The following ALDH3B1 variants were observed in gnomAD, a reference collection of about 807,000 sequenced individuals.
ALDH3B1 encodes the protein aldehyde dehydrogenase family 3 member B1.
A neutral mutation model predicts 46.2 loss-of-function variants in ALDH3B1; 37 were observed. That is an observed-to-expected ratio of 0.80 (90% CI 0.62 to 1.05). The LOEUF (loss-of-function observed/expected upper bound fraction) is 1.05. ALDH3B1 is among the 50% of genes least tolerant of loss of function. The probability of loss-of-function intolerance (pLI) is 0.00; values close to 1 mark genes in which losing one functional copy is unlikely to be tolerated. For synonymous variants in ALDH3B1, 283 were observed against 281.0 expected (o/e 1.01, Z -0.07); for missense variants, 603 against 665.5 (o/e 0.91, Z 1.03).
At chr11:68,014,333 G>T (rs1857294733) in intron 1 of ALDH3B1, among the ~76,000 whole-genome samples, 1 of 152,188 alleles carries the variant, frequency 6.6e-6, no homozygotes, top group Non-Finnish European at 1.5e-5. Flanking sequence ...GGCATAATCT[G>T]GGTGGGCTGC....
chr11:68,018,335 G>A (rs1410295398), intron 2 of ALDH3B1, 192 bp from the exon 3 acceptor site: 3 of 596,344 alleles, frequency 5.0e-6, no homozygotes, highest in Non-Finnish European at 8.8e-6. Context: ...TCGGCCTCAG[G>A]GCCGGTCCCT....
chr11:68,025,190 G>A (rs1857592295), intron 8 of ALDH3B1: 1 of 152,054 alleles, frequency 6.6e-6, no homozygotes, highest in Non-Finnish European at 1.5e-5. Flanking sequence ...GTACTACCTG[G>A]GACGCCCTCT....
intron 8 of ALDH3B1, among the ~76,000 whole-genome samples, chr11:68,023,632 T>C (rs968209968): frequency 6.6e-6 from 1 of 152,050 alleles, no homozygotes; most frequent in African/African-American, 2.4e-5. Flanking sequence ...ATAAACTTTG[T>C]ATTGGGAAAT....
chr11:68,018,366 A>G, intron 2 of ALDH3B1, 161 bp from the exon 3 acceptor site: 1 of 639,404 alleles, frequency 1.6e-6, no homozygotes, highest in East Asian at 2.8e-5. Flanking sequence ...CAGAGACAGC[A>G]CCTCACACAG....
chr11:68,015,522 G>A, intron 2 of ALDH3B1, 63 bp downstream of exon 2: 1 of 1,549,908 alleles, frequency 6.5e-7, no homozygotes, highest in Non-Finnish European at 8.7e-7. Context: ...GGGCAGCTGG[G>A]ACAGCAGGGG....
At chr11:68,015,724 C>T (rs1296154788) in intron 2 of ALDH3B1, 1 of 644,142 alleles carries the variant, frequency 1.6e-6, no homozygotes, top group African/African-American at 1.8e-5. Context: ...AGTTCCCATG[C>T]CTACGAAGAT....
chr11:68,018,080 C>G (rs1463231078), intron 2 of ALDH3B1: 1 of 157,426 alleles, frequency 6.4e-6, no homozygotes, highest in Non-Finnish European at 1.4e-5. Flanking sequence ...CTTGCTTGTT[C>G]CTTGACTTCA....
upstream of ALDH3B1, among the ~76,000 whole-genome samples, chr11:68,009,024 C>T (rs1359144595): frequency 6.6e-6 from 1 of 152,152 alleles, no homozygotes; most frequent in Non-Finnish European, 1.5e-5. Context: ...CAGGAACCAC[C>T]AAGGCGACAC....
At chr11:68,011,032 G>A (rs1295152526) in intron 1 of ALDH3B1, among the ~76,000 whole-genome samples, 1 of 152,220 alleles carries the variant, frequency 6.6e-6, no homozygotes, top group Non-Finnish European at 1.5e-5. Context: ...GAGGGGATAC[G>A]CTGGTCCCTG....
rs573504249 is a variant in ALDH3B1, at chr11:68,015,597, C to T, written c.162+138C>T. 1,210 of 1,091,742 alleles carry T rather than the reference C, an allele frequency of 1.1e-3. 10 individuals are homozygous for T. Among genetic ancestry groups the T allele is most frequent in the Middle Eastern group, 6.2e-3 (32 of 5,136 alleles). The allele number at this position is 1,091,742 out of a possible 1,614,324, so 67.6% of individuals were successfully genotyped here. On this transcript the variant is annotated intron_variant, in intron 2 of 9. Transcript: ENST00000342456. ...CAGCTCCTCCCCTAGGCCAGAGCCACCCTTGCACATTCATCCAGTCACTTA... is the reference window on the plus strand; with the variant it reads ...CAGCTCCTCCCCTAGGCCAGAGCCATCCTTGCACATTCATCCAGTCACTTA...
chr11:68,009,132 G>T (rs1590767906), upstream of ALDH3B1, among the ~76,000 whole-genome samples: 1 of 152,200 alleles, frequency 6.6e-6, no homozygotes, highest in African/African-American at 2.4e-5. Context: ...TCTGGAGCAA[G>T]AAGCTCTGCC....
rs575814348 is a variant in ALDH3B1 at position 68,027,426 on chromosome 11, C to T, written c.1217-323C>T. On this transcript the variant is annotated intron_variant, in intron 9 of 9. Coordinates refer to ENST00000342456, the MANE Select transcript of ALDH3B1 (RefSeq NM_000694.4). ...GGAGGGAGGTACCCTTGTCACCCCA[C>T]GACAGAGGAGACTGAGGCACAGTCC... Among the ~76,000 whole-genome samples the T allele has an allele frequency of 5.3e-5, 8 of 152,304 alleles. No homozygotes were observed. The South Asian group carries it at 6.2e-4, about 12-fold the overall frequency.
chr11:68,021,020 G>A (rs966303300), intron 6 of ALDH3B1, among the ~76,000 whole-genome samples: 1 of 152,200 alleles, frequency 6.6e-6, no homozygotes, highest in Non-Finnish European at 1.5e-5. Flanking sequence ...AAAAAGGGCT[G>A]GGCAGGTGGC....
chr11:68,026,111 A>G lies in ALDH3B1; in HGVS notation c.1216+3A>G, dbSNP rs1003586687. ...CAGCCTGCCTTTTGGAGGAGTGGGT[A>G]GGTGCCTGCTACCCTGCCCTTCTGT... is the stretch of plus-strand genomic sequence containing the variant. On this transcript the variant is annotated splice_donor_region_variant and intron_variant, in intron 9 of 9. Coordinates refer to ENST00000342456, the MANE Select transcript of ALDH3B1 (RefSeq NM_000694.4). The G allele has an allele frequency of 1.4e-5, 23 of 1,599,122 alleles. No individual in the cohort carries two copies. Among genetic ancestry groups the G allele is most frequent in the Non-Finnish European group, 1.8e-5 (21 of 1,172,794 alleles).
upstream of ALDH3B1, chr11:68,008,628 C>T (rs574754700): frequency 4.7e-4 from 72 of 152,356 alleles, no homozygotes; most frequent in African/African-American, 1.7e-3. Flanking sequence ...TTCACCCCCA[C>T]CCTAACTATC....
At chr11:68,025,843 C>A (rs1857609010) in intron 8 of ALDH3B1, among the ~76,000 whole-genome samples, 166 bp from the exon 9 acceptor site, 1 of 152,194 alleles carries the variant, frequency 6.6e-6, no homozygotes, top group Non-Finnish European at 1.5e-5. Flanking sequence ...TGCTACACAA[C>A]CCCCTGCCCC....
At position 68,022,599 on chromosome 11, in the gene ALDH3B1, C is replaced by T. The variant is rs185684174; in HGVS notation, c.954C>T (p.Pro318=). The part of the protein sequence containing the change: ...QSDESDRYIA[P]TVLVDVQEME... ...AGCTGTCTCTGGTGCCTGCAGCCCC[C>T]ACGGTGCTGGTGGATGTGCAGGAGA... Residue 318 remains proline (P), a synonymous_variant, in exon 8 of 10, where the codon CCC becomes CCT. Transcript: ENST00000342456. The T allele has an allele frequency of 2.3e-5, 37 of 1,613,634 alleles. No individual in the cohort carries two copies. Among genetic ancestry groups the T allele is most frequent in the Admixed American group, 1.0e-4 (6 of 60,012 alleles).
chr11:68,026,257 C>T, intron 9 of ALDH3B1, 149 bp downstream of exon 9: 1 of 650,538 alleles, frequency 1.5e-6, no homozygotes, highest in Non-Finnish European at 2.5e-6. Flanking sequence ...ATCCTGCTCC[C>T]CACCCCAGAG....
chr11:68,020,531 G>A (rs75235265), intron 6 of ALDH3B1, among the ~76,000 whole-genome samples: 1,937 of 152,286 alleles, frequency 0.013, 27 homozygotes, highest in African/African-American at 0.043. Context: ...CACCACACCC[G>A]GCTTCGAGTT....
Sources: allele counts gnomAD v4.1 joint callset (sites outside exome capture counted in the v4.1 genomes callset), GRCh38; gene constraint gnomAD v4.1.1; transcripts MANE v1.5; gene names NCBI Gene and HGNC (gene_info 2026-07-23, HGNC 2026-07-21).